The following UMODL1 variants were observed in gnomAD, a reference collection of about 807,000 sequenced individuals.
The protein encoded by UMODL1 is uromodulin like 1.
In UMODL1, 128 loss-of-function variants were observed where a neutral mutation model predicts 136.3. The ratio of observed to expected loss-of-function variants is 0.94; its 90% CI spans 0.81 to 1.09. The LOEUF is 1.09. UMODL1 is among the 50% of genes least tolerant of loss of function. The pLI is 0.00. For synonymous variants in UMODL1, 721 were observed against 720.0 expected, an observed-to-expected ratio of 1.00 and a Z score of -0.02; for missense variants, 1,766 against 1,725.6, an observed-to-expected ratio of 1.02 and a Z score of -0.41.
chr21:42,126,309 G>C, intron 17 of UMODL1, 36 bp from the exon 18 acceptor site: 4 of 1,611,726 alleles, frequency 2.5e-6, no homozygotes, highest in Non-Finnish European at 2.5e-6. Flanking sequence ...GGCCGGCTGG[G>C]GCCTGGGAGC....
intron 13 of UMODL1, 43 bp from the exon 14 acceptor site, chr21:42,115,830 A>G (rs780404096): frequency 6.9e-7 from 1 of 1,450,896 alleles, no homozygotes; most frequent in Admixed American, 1.7e-5. Context: ...TCTGTTATCT[A>G]ATACAGCACC....
chr21:42,076,348 T>G, intron 2 of UMODL1, 101 bp downstream of exon 2: 1 of 1,549,360 alleles, frequency 6.5e-7, no homozygotes, highest in Non-Finnish European at 8.8e-7. Flanking sequence ...ACTTGCTAGA[T>G]CTTCCAGGAG....
At chr21:42,125,103 T>G (rs220156) in intron 17 of UMODL1, among the ~76,000 whole-genome samples, 122,553 of 152,030 alleles carry the variant, frequency 0.81, 49,811 homozygotes, top group Middle Eastern at 0.9. Context: ...ACTGGATGGG[T>G]CAAAGCTGTC....
intron 8 of UMODL1, 37 bp from the exon 9 acceptor site, chr21:42,103,831 C>A (rs220111): frequency 0.35 from 565,350 of 1,609,808 alleles, 100,818 homozygotes; most frequent in Admixed American, 0.41. Context: ...GTCGTGAAGA[C>A]GTTGATGGAT....
At chr21:42,112,463 C>T (rs1186524209) in intron 12 of UMODL1, among the ~76,000 whole-genome samples, 1 of 149,704 alleles carries the variant, frequency 6.7e-6, no homozygotes, top group East Asian at 2.0e-4. Context: ...TGCCCAGCTG[C>T]TCTGTATCTC....
At position 42,121,257 on chromosome 21, in the gene UMODL1, C is replaced by T. The variant is rs375923871; in HGVS notation, c.2827+33C>T. ...CGTCAGAGTTTCTTCTTCTGGAATACTGTATCATAATCGGTTTTTTTTAAG... is the reference window on the plus strand; with the variant it reads ...CGTCAGAGTTTCTTCTTCTGGAATATTGTATCATAATCGGTTTTTTTTAAG... On this transcript the variant is annotated intron_variant, in intron 16 of 22. Transcript: ENST00000408910. The T allele has an allele frequency of 3.8e-6, 6 of 1,586,976 alleles. No homozygotes were observed. In the African/African-American group the frequency reaches 8.1e-5, roughly 22 times the overall value.
Position 42,093,562 on chromosome 21 carries a change from T to C in UMODL1, c.931+3124T>C, listed in dbSNP as rs181153248. ...TTCTCGTTGTCCTGTGGGCGAGGGG[T>C]TGGGGGAGTGGACCAGTTCCCAGAG... On this transcript the variant is annotated intron_variant, in intron 6 of 22. Transcript: ENST00000408910. 97 of 221,386 alleles carry C rather than the reference T, an allele frequency of 4.4e-4. 1 individual carries two copies. The highest frequency in any genetic ancestry group is 2.1e-3 in the African/African-American group (88 of 42,926). 13.7% of individuals were successfully genotyped at this position (221,386 alleles called of 1,614,324 possible).
chr21:42,068,861 ATGTGAG>A (rs1369585509), upstream of UMODL1, among the ~76,000 whole-genome samples: 6 of 152,168 alleles, frequency 3.9e-5, no homozygotes, highest in Non-Finnish European at 8.8e-5. This position sits in a 1 kb window ranked among gnomAD's most constrained non-coding sequence, Gnocchi z 5.5. Flanking sequence ...GAGCGCATGT[ATGTGAG>A]TGTGAGTGGG....
chr21:42,133,660 C>T (rs545188487), intron 21 of UMODL1, among the ~76,000 whole-genome samples: 32 of 152,328 alleles, frequency 2.1e-4, no homozygotes, highest in East Asian at 7.7e-4. Context: ...CCTCCCTTGC[C>T]GCTTCCTCGT....
chr21:42,116,013 C>A, intron 14 of UMODL1, 28 bp downstream of exon 14: 1 of 1,572,512 alleles, frequency 6.4e-7, no homozygotes, highest in South Asian at 1.1e-5. Context: ...GCCCTTAATT[C>A]CTTTCAGGAG....
intron 9 of UMODL1, chr21:42,108,442 T>C: frequency 2.1e-6 from 1 of 473,742 alleles, no homozygotes; most frequent in Non-Finnish European, 4.4e-6. Flanking sequence ...CCAGGGAAGC[T>C]GCTTCTGTGG....
intron 21 of UMODL1, among the ~76,000 whole-genome samples, chr21:42,130,464 T>C (rs1421680993): frequency 4.0e-5 from 6 of 151,246 alleles, no homozygotes; most frequent in African/African-American, 1.5e-4. Flanking sequence ...GAAAATTGTG[T>C]GCTTTGGGTA....
At chr21:42,138,266 C>T (rs1352438284) in intron 22 of UMODL1, among the ~76,000 whole-genome samples, 2 of 152,204 alleles carry the variant, frequency 1.3e-5, no homozygotes, top group Non-Finnish European at 2.9e-5. Flanking sequence ...CTGACGCCCT[C>T]AATTGCTGGT....
chr21:42,137,402 G>C, intron 21 of UMODL1, 37 bp from the exon 22 acceptor site: 1 of 1,611,342 alleles, frequency 6.2e-7, no homozygotes, highest in Non-Finnish European at 8.5e-7. Context: ...CCTCCCGTTT[G>C]TGCAGATCTC....
In UMODL1 at chr21:42,122,844, C is replaced by T. The variant is rs779332440; in HGVS notation, c.2841C>T (p.Gly947=). 6.3e-7 allele frequency: 1 copy of T among 1,597,486 alleles called. No individual in the cohort carries two copies. Among genetic ancestry groups the T allele is most frequent in the Non-Finnish European group, 8.6e-7 (1 of 1,169,114 alleles). The stretch of plus-strand genomic sequence containing the variant: ...TGTGCCTTGCAGGTGACTCTCCTGG[C>T]AATGAAACCTGGGCCACCAGCCCAG... ...SERPCEGDSP[G]NETWATSPER... is the part of the protein sequence containing the mutation. The change falls in exon 17 of 23, where the codon GGC becomes GGT. Residue 947 remains glycine, a synonymous_variant. Transcript: ENST00000408910. The surrounding 1 kb of genome is among the most constrained non-coding windows in gnomAD (Gnocchi z 4.3).
At chr21:42,136,848 C>T (rs1298581423) in intron 21 of UMODL1, among the ~76,000 whole-genome samples, 1 of 152,100 alleles carries the variant, frequency 6.6e-6, no homozygotes, top group East Asian at 1.9e-4. Context: ...ACCTCCGCCT[C>T]CTGTGTTCAA....
At chr21:42,095,182 C>T (rs1467440272) in intron 6 of UMODL1, among the ~76,000 whole-genome samples, 1 of 146,532 alleles carries the variant, frequency 6.8e-6, no homozygotes, top group Non-Finnish European at 1.5e-5. Context: ...GCAGCCTCCA[C>T]CTCCTGGGTT....
intron 21 of UMODL1, among the ~76,000 whole-genome samples, chr21:42,132,185 T>TCATC (rs1293449656): frequency 6.6e-6 from 1 of 151,892 alleles, no homozygotes; most frequent in Non-Finnish European, 1.5e-5. Flanking sequence ...TATCCATCTA[T>TCATC]CATCCATCCA....
At chr21:42,093,666 C>A (rs2066519801) in intron 6 of UMODL1, 1 of 318,850 alleles carries the variant, frequency 3.1e-6, no homozygotes, top group African/African-American at 2.2e-5. Context: ...CAGAATGAGG[C>A]TGTGTGGGGA....
Sources: gnomAD v4.1 joint callset for allele counts (sites outside exome capture counted in the v4.1 genomes callset) on GRCh38, gnomAD v4.1.1 for gene constraint, Gnocchi (gnomAD v3.1) non-coding constraint, MANE v1.5 for transcripts, NCBI Gene and HGNC (gene_info 2026-07-23, HGNC 2026-07-21) for gene names.